The following NUP214 variants were observed in gnomAD, a reference collection of about 807,000 sequenced individuals.
The protein encoded by NUP214 is nuclear pore complex protein Nup214.
NUP214 carries 79 observed loss-of-function variants against 196.2 expected under a neutral mutation model. The ratio of observed to expected loss-of-function variants is 0.40; its 90% CI spans 0.34 to 0.49. NUP214 has a LOEUF of 0.49. NUP214 is among the 20% of genes least tolerant of loss of function. The probability of loss-of-function intolerance (pLI) is 0.58; values close to 1 mark genes in which losing one functional copy is unlikely to be tolerated. For synonymous variants in NUP214, 1,020 were observed against 990.5 expected, an observed-to-expected ratio of 1.03 and a Z score of -0.56; for missense variants, 2,468 against 2,539.0, an observed-to-expected ratio of 0.97 and a Z score of 0.60.
intron 16 of NUP214, among the ~76,000 whole-genome samples, chr9:131,151,036 A>G (rs1330848834): frequency 1.3e-5 from 2 of 152,134 alleles, no homozygotes; most frequent in Non-Finnish European, 2.9e-5. Context: ...TTTGATGCAT[A>G]CTGTGCACTC....
At chr9:131,192,172 T>C in intron 26 of NUP214, 36 bp from the exon 27 acceptor site, 1 of 684,792 alleles carries the variant, frequency 1.5e-6, no homozygotes, top group Non-Finnish European at 2.2e-6. Context: ...TAATATTCTT[T>C]TTTTTTTTTT....
intron 30 of NUP214, among the ~76,000 whole-genome samples, chr9:131,204,426 C>T (rs1564209447): frequency 6.6e-6 from 1 of 152,186 alleles, no homozygotes; most frequent in Non-Finnish European, 1.5e-5. Flanking sequence ...TGGTAGTCAG[C>T]GTTTCCAGCT....
intron 30 of NUP214, among the ~76,000 whole-genome samples, chr9:131,204,350 C>T (rs1834020398): frequency 6.6e-6 from 1 of 152,198 alleles, no homozygotes; most frequent in African/African-American, 2.4e-5. Flanking sequence ...CAGGTGTAAA[C>T]TCAGTGGCTG....
rs766253389 is a variant in NUP214 at position 131,215,258 on chromosome 9, G to C, written c.5639G>C (p.Gly1880Ala). 6.2e-7 allele frequency: 1 copy of C among 1,602,020 alleles called. No homozygotes were observed. The highest frequency in any genetic ancestry group is 8.5e-7 in the Non-Finnish European group (1 of 1,174,518). Residue 1880 changes from glycine to alanine, a missense_variant, in exon 31 of 36, where the codon GGA becomes GCA. Around this residue, in one of 5 missense-constraint regions of NUP214, gnomAD observed 262 missense variants for 296.5 expected, o/e 0.88. Transcript: ENST00000359428. ...AGCGTGTTTGGGTCTGGAAACACTG[G>C]AAGAGGGGGAGGTTTCTTCAGTGGC... Reference protein sequence around the residue: ...SGSVFGSGNTGRGGGFFSGLG... With the variant: ...SGSVFGSGNTARGGGFFSGLG...
At chr9:131,213,301 AGGTAGCT>A (rs1196871814) in intron 30 of NUP214, among the ~76,000 whole-genome samples, 2 of 151,252 alleles carry the variant, frequency 1.3e-5, no homozygotes, top group Non-Finnish European at 2.9e-5. Flanking sequence ...TCAGCCTCCC[AGGTAGCT>A]GGGATTATAG....
rs1833838682 is a variant in NUP214, at chr9:131,197,969, G to A, written c.4475G>A (p.Ser1492Asn). Reference protein sequence around the residue: ...TPSLPMSAGRSTEEATSSALP... With the variant: ...TPSLPMSAGRNTEEATSSALP... ...TCCCTGCCTATGTCCGCTGGCAGAA[G>A]CACAGAAGAGGCCACTTCATCAGCT... is the stretch of plus-strand genomic sequence containing the variant. The change falls in exon 29 of 36, where the codon AGC becomes AAC. Residue 1492 changes from serine to asparagine, a missense_variant. Ser to Asn is a conservative substitution (Grantham distance 46, BLOSUM62 1). This residue lies in a region of NUP214 where 1,801 missense variants were observed against 1,779.4 expected (regional missense o/e 1.01). Transcript: ENST00000359428. 2 of 1,614,222 alleles carry A rather than the reference G, an allele frequency of 1.2e-6. No individual in the cohort carries two copies. The highest frequency in any genetic ancestry group is 1.7e-6 in the Non-Finnish European group (2 of 1,180,044).
rs2131045247 is a variant in NUP214, at chr9:131,197,696, C to T, written c.4202C>T (p.Ala1401Val). ...SATTTSVAPP[A>V]ATSTSSTAVF... is the part of the protein sequence containing the mutation. Reference sequence around the variant, plus strand: ...ACCACCACCTCAGTAGCACCACCAGCAGCCACCAGCACTTCCTCAACTGCC... The same window carrying T: ...ACCACCACCTCAGTAGCACCACCAGTAGCCACCAGCACTTCCTCAACTGCC... Residue 1401 changes from alanine (A) to valine (V), a missense_variant, in exon 29 of 36, where the codon GCA (alanine) becomes GTA (valine). By Grantham distance (64) the Ala-to-Val change is moderately conservative. This residue lies in a region of NUP214 where 1,801 missense variants were observed against 1,779.4 expected (regional missense o/e 1.01). Transcript: ENST00000359428. 6.2e-7 allele frequency: 1 copy of T among 1,614,230 alleles called. No individual in the cohort carries two copies. Among genetic ancestry groups the T allele is most frequent in the Middle Eastern group, 1.6e-4 (1 of 6,062 alleles).
At position 131,198,538 on chromosome 9, in the gene NUP214, G is replaced by T. The variant is rs761448842; in HGVS notation, c.5044G>T (p.Ala1682Ser). Residue 1682 changes from alanine (A) to serine (S), a missense_variant, in exon 29 of 36, where the codon GCA becomes TCA. Ala to Ser is a moderately conservative substitution (Grantham distance 99). Transcript: ENST00000359428. ...GTTTGGGCAAGTGGCAGCCAGCACC[G>T]CACCAAGTCTGTTTGGGCAGCAGAC... ...PVFGQVAAST[A>S]PSLFGQQTGS... The T allele has an allele frequency of 1.2e-6, 2 of 1,614,192 alleles. No homozygotes were observed. Among genetic ancestry groups the T allele is most frequent in the East Asian group, 2.2e-5 (1 of 44,886 alleles).
At chr9:131,203,188 GC>G (rs1180886461) in intron 30 of NUP214, among the ~76,000 whole-genome samples, 1 of 151,764 alleles carries the variant, frequency 6.6e-6, no homozygotes, top group East Asian at 1.9e-4. Flanking sequence ...CTCGTGATCC[GC>G]CCACCTCAGC....
Position 131,150,346 on chromosome 9 carries a change from T to C in NUP214, c.2063T>C (p.Val688Ala). 1 of 1,614,216 alleles carries C rather than the reference T, an allele frequency of 6.2e-7. No homozygotes were observed. Among genetic ancestry groups the C allele is most frequent in the Non-Finnish European group, 8.5e-7 (1 of 1,180,018 alleles). ...CAGGCAAAGTCACTTCAGCCTGCTGTTGCAGAAAAGCAGGGACATCAGTGG... is the reference window on the plus strand; with the variant it reads ...CAGGCAAAGTCACTTCAGCCTGCTGCTGCAGAAAAGCAGGGACATCAGTGG... ...SPQAKSLQPAVAEKQGHQWKD... is the reference protein window; with the variant it reads ...SPQAKSLQPAAAEKQGHQWKD... Residue 688 changes from valine (V) to alanine (A), a missense_variant, in exon 15 of 36, where the codon GTT becomes GCT. Physicochemically the swap from Val to Ala is moderately conservative, Grantham distance 64. Transcript: ENST00000359428.
At chr9:131,178,781 G>A (rs1833186299) in intron 24 of NUP214, among the ~76,000 whole-genome samples, 1 of 150,524 alleles carries the variant, frequency 6.6e-6, no homozygotes, top group Admixed American at 6.6e-5. Flanking sequence ...TCTGGAAACT[G>A]TAATCTCAAG....
chr9:131,195,098 C>T (rs1475687189), intron 27 of NUP214, 135 bp from the exon 28 acceptor site: 1 of 639,362 alleles, frequency 1.6e-6, no homozygotes, highest in East Asian at 2.7e-5. Flanking sequence ...GGTGCTTTGA[C>T]TCTGTTGTCA....
chr9:131,221,601 C>T (rs1834556280), intron 31 of NUP214, among the ~76,000 whole-genome samples: 1 of 152,212 alleles, frequency 6.6e-6, no homozygotes, highest in Admixed American at 6.5e-5. Context: ...TGCTCCCCCT[C>T]CTCCAGTCCT....
intron 17 of NUP214, among the ~76,000 whole-genome samples, chr9:131,156,058 A>G (rs1186753505): frequency 6.6e-6 from 1 of 151,610 alleles, no homozygotes; most frequent in Non-Finnish European, 1.5e-5. Flanking sequence ...GAATTTGTAA[A>G]TTGTTTTTGA....
At chr9:131,127,743 A>G (rs1831406953) in intron 2 of NUP214, 24 bp downstream of exon 2, 3 of 1,568,266 alleles carry the variant, frequency 1.9e-6, no homozygotes, top group Non-Finnish European at 2.6e-6. Flanking sequence ...TTTATGTTGC[A>G]AAGTAGAGAG....
chr9:131,234,040 C>G lies in NUP214; in HGVS notation c.*553C>G. The G allele has an allele frequency of 3.9e-6, 1 of 254,950 alleles. No individual in the cohort carries two copies. The highest frequency in any genetic ancestry group is 7.6e-6 in the Non-Finnish European group (1 of 131,090). 15.8% of individuals were successfully genotyped at this position (254,950 alleles called of 1,614,324 possible). A position where few individuals can be genotyped will look rare whatever the true frequency, so the allele number is the denominator to read the frequency against. ...TGGAGGCAGAGGAAGCCACTCATGC[C>G]AGCAGCAGTTGAGTTTCAGAAGCAG... On this transcript the variant is annotated 3_prime_UTR_variant, in exon 36 of 36. Coordinates refer to ENST00000359428, the MANE Select transcript of NUP214 (RefSeq NM_005085.4).
intron 31 of NUP214, among the ~76,000 whole-genome samples, chr9:131,221,847 C>T (rs1461602748): frequency 7.0e-6 from 1 of 143,156 alleles, no homozygotes; most frequent in Admixed American, 6.8e-5. Flanking sequence ...CCAACGCCCA[C>T]CCCCCCCAAA....
rs893923386 is a variant in NUP214, at chr9:131,125,796, G to T, written c.45+47G>T. The stretch of plus-strand genomic sequence containing the variant: ...CCCTCCCTTCTTTAGTCCTGGCGTT[G>T]CCTTGGAGCCCAGCTGAAAGGCGAA... On this transcript the variant is annotated intron_variant, in intron 1 of 35. Transcript: ENST00000359428. The surrounding 1 kb of genome is among the most constrained non-coding windows in gnomAD (Gnocchi z 4.1). 2.6e-6 allele frequency: 4 copies of T among 1,546,806 alleles called. No homozygotes were observed. In the African/African-American group the frequency reaches 5.5e-5, roughly 21 times the overall value.
chr9:131,133,560 T>C (rs1831625786), intron 7 of NUP214: 1 of 161,698 alleles, frequency 6.2e-6, no homozygotes, highest in African/African-American at 2.4e-5. Flanking sequence ...CACCTAGGCT[T>C]CTCAAAGTGC....
Sources: gnomAD v4.1 joint callset for allele counts (sites outside exome capture counted in the v4.1 genomes callset) on GRCh38, gnomAD v4.1.1 for gene constraint, gnomAD v4.1.1 regional missense constraint, Gnocchi (gnomAD v3.1) non-coding constraint, MANE v1.5 for transcripts, NCBI Gene and HGNC (gene_info 2026-07-23, HGNC 2026-07-21) for gene names.